The following MYLK3 variants were observed in gnomAD, a reference collection of about 807,000 sequenced individuals.
MYLK3 encodes myosin light chain kinase 3.
A neutral mutation model predicts 76.3 loss-of-function variants in MYLK3; 55 were observed. The ratio of observed to expected loss-of-function variants is 0.72; its 90% CI spans 0.58 to 0.90. The LOEUF is 0.90. Among genes scored for constraint, MYLK3 ranks in the 40% least tolerant of loss-of-function variants. The probability of loss-of-function intolerance (pLI) is 0.00; values close to 1 mark genes in which losing one functional copy is unlikely to be tolerated. For missense variants in MYLK3, 973 were observed against 1,053.6 expected, an observed-to-expected ratio of 0.92 and a Z score of 1.06; for synonymous variants, 416 against 425.4, an observed-to-expected ratio of 0.98 and a Z score of 0.27.
intron 3 of MYLK3, among the ~76,000 whole-genome samples, chr16:46,733,956 G>C (rs1966858082): frequency 6.6e-6 from 1 of 152,156 alleles, no homozygotes; most frequent in Admixed American, 6.5e-5. Context: ...ACAAATGCAG[G>C]GGTTCAAAAG....
rs1332969882 is a variant in MYLK3, at chr16:46,703,471, A to C, written c.*4233T>G. On this transcript the variant is annotated 3_prime_UTR_variant, in exon 13 of 13. Coordinates refer to ENST00000394809, the MANE Select transcript of MYLK3 (RefSeq NM_182493.3). Reference sequence around the variant, plus strand: ...GCCTCACCAATTCTTCACCAATCTGACAGGTGGAAAAAGTGTGCCCCAACT... The same window carrying C: ...GCCTCACCAATTCTTCACCAATCTGCCAGGTGGAAAAAGTGTGCCCCAACT... 6.6e-6 allele frequency: 1 copy of C among 152,214 alleles called. No individual in the cohort carries two copies. The highest frequency in any genetic ancestry group is 1.5e-5 in the Non-Finnish European group (1 of 68,048). 9.4% of individuals were successfully genotyped at this position (152,214 alleles called of 1,614,324 possible). A position where few individuals can be genotyped will look rare whatever the true frequency, so the allele number is the denominator to read the frequency against.
intron 12 of MYLK3, among the ~76,000 whole-genome samples, chr16:46,708,648 G>A (rs1319319818): frequency 6.6e-6 from 1 of 152,146 alleles, no homozygotes; most frequent in East Asian, 1.9e-4. Context: ...TTCCCGGTAA[G>A]TGTGTACATG....
chr16:46,717,477 G>A (rs1368026619), intron 9 of MYLK3, among the ~76,000 whole-genome samples: 1 of 152,128 alleles, frequency 6.6e-6, no homozygotes, highest in African/African-American at 2.4e-5. Context: ...GTTCAGACGT[G>A]TGAGCCTCGC....
chr16:46,742,153 T>A (rs1966941452), intron 1 of MYLK3, among the ~76,000 whole-genome samples: 1 of 152,128 alleles, frequency 6.6e-6, no homozygotes, highest in Non-Finnish European at 1.5e-5. Flanking sequence ...AGTTTGTGTG[T>A]ATGTGCAGTT....
intron 7 of MYLK3, 31 bp from the exon 8 acceptor site, chr16:46,727,408 G>A (rs745349699): frequency 6.3e-7 from 1 of 1,588,080 alleles, no homozygotes; most frequent in Admixed American, 1.7e-5. Context: ...GCAGGCACCA[G>A]CCTAAGCAAG....
intron 1 of MYLK3, among the ~76,000 whole-genome samples, chr16:46,740,363 G>A (rs554713628): frequency 3.3e-5 from 5 of 151,902 alleles, no homozygotes; most frequent in East Asian, 3.9e-4. Context: ...AAGAGGAGGC[G>A]CCCAGCTTCA....
chr16:46,757,684 G>T, intron 1 of MYLK3: 1 of 859,810 alleles, frequency 1.2e-6, no homozygotes, highest in Non-Finnish European at 1.4e-6. Context: ...CCCTGTCCAG[G>T]CCCCAGCGGC....
At position 46,709,642 on chromosome 16, in the gene MYLK3, T is replaced by C; in HGVS notation, c.2297A>G (p.Lys766Arg). ...SCRMSATQCL[K>R]HEWLNNLPAK... Reference sequence around the variant, plus strand: ...AGGCAAATTATTCAGCCACTCGTGTTTCAGGCACTGTGTGGCACTCATTCT... The same window carrying C: ...AGGCAAATTATTCAGCCACTCGTGTCTCAGGCACTGTGTGGCACTCATTCT... Residue 766 changes from lysine (K) to arginine (R), a missense_variant, in exon 12 of 13, where the codon AAA becomes AGA. Transcript: ENST00000394809. 6.2e-7 allele frequency: 1 copy of C among 1,614,166 alleles called. No individual in the cohort carries two copies. Among genetic ancestry groups the C allele is most frequent in the Non-Finnish European group, 8.5e-7 (1 of 1,180,024 alleles).
At chr16:46,733,219 T>A (rs1966856320) in intron 3 of MYLK3, among the ~76,000 whole-genome samples, 1 of 151,992 alleles carries the variant, frequency 6.6e-6, no homozygotes, top group Non-Finnish European at 1.5e-5. Context: ...TTTAAAAAAC[T>A]TAGCCAGGAG....
chr16:46,740,421 G>T (rs1385846927), intron 1 of MYLK3, among the ~76,000 whole-genome samples: 1 of 151,440 alleles, frequency 6.6e-6, no homozygotes, highest in African/African-American at 2.4e-5. Flanking sequence ...TTCCCCATAA[G>T]GGATGAACCC....
upstream of MYLK3, among the ~76,000 whole-genome samples, chr16:46,751,354 C>T (rs1278232840): frequency 6.6e-6 from 1 of 151,968 alleles, no homozygotes; most frequent in Non-Finnish European, 1.5e-5. Flanking sequence ...TTGCAGTGAA[C>T]TGAGATGGTG....
chr16:46,747,907 A>T lies in MYLK3; in HGVS notation c.287T>A (p.Leu96Gln), dbSNP rs1475138061. Residue 96 changes from leucine (L) to glutamine (Q), a missense_variant, in exon 1 of 13, where the codon CTG becomes CAG. Leu to Gln is a moderately radical substitution (Grantham distance 113). This residue lies in a region of MYLK3 where 641 missense variants were observed against 637.0 expected (regional missense o/e 1.01). Transcript: ENST00000394809. The part of the protein sequence containing the change: ...TQAGWPEVLE[L>Q]VRAMQQDAAQ... ...CGCATCCTGCTGCATGGCCCTCACC[A>T]GCTCCAGGACCTCGGGCCACCCAGC... The T allele has an allele frequency of 6.2e-7, 1 of 1,613,654 alleles. No individual in the cohort carries two copies. The highest frequency in any genetic ancestry group is 1.3e-5 in the African/African-American group (1 of 74,900).
chr16:46,706,828 C>A lies in MYLK3; in HGVS notation c.*876G>T, dbSNP rs921960363. 24 of 152,130 alleles carry A rather than the reference C, an allele frequency of 1.6e-4. No homozygotes were observed. The highest frequency in any genetic ancestry group is 5.3e-4 in the African/African-American group (22 of 41,426). The allele number at this position is 152,130 out of a possible 1,614,324, so 9.4% of individuals were successfully genotyped here. A position where few individuals can be genotyped will look rare whatever the true frequency, so the allele number is the denominator to read the frequency against. On this transcript the variant is annotated 3_prime_UTR_variant, in exon 13 of 13. Transcript: ENST00000394809. ...ACATTTAAGTTGACTGCAATTCAAA[C>A]CCTGTTCAAGGGTCAACTGTACATG...
At chr16:46,760,602 T>C (rs1048750635) in intron 1 of MYLK3, among the ~76,000 whole-genome samples, 2 of 152,108 alleles carry the variant, frequency 1.3e-5, no homozygotes, top group Non-Finnish European at 2.9e-5. Flanking sequence ...ACTATGTAAC[T>C]CACCAGTGCT....
At chr16:46,712,606 G>T in intron 10 of MYLK3, 42 bp downstream of exon 10, 1 of 1,384,040 alleles carries the variant, frequency 7.2e-7, no homozygotes, top group Non-Finnish European at 9.4e-7. Context: ...GAAGACAAAT[G>T]ACCCCTGTCC....
chr16:46,730,525 C>CA, intron 5 of MYLK3, 68 bp downstream of exon 5: 1 of 1,331,310 alleles, frequency 7.5e-7, no homozygotes, highest in East Asian at 2.3e-5. Flanking sequence ...CCCAGTTCTC[C>CA]AGGTGGTCCC....
chr16:46,706,196 C>A lies in MYLK3; in HGVS notation c.*1508G>T, dbSNP rs1159698175. 1 of 151,894 alleles carries A rather than the reference C, an allele frequency of 6.6e-6. No individual in the cohort carries two copies. Among genetic ancestry groups the A allele is most frequent in the African/African-American group, 2.4e-5 (1 of 41,314 alleles). The allele number at this position is 151,894 out of a possible 1,614,324, so 9.4% of individuals were successfully genotyped here. A position where few individuals can be genotyped will look rare whatever the true frequency, so the allele number is the denominator to read the frequency against. On this transcript the variant is annotated 3_prime_UTR_variant, in exon 13 of 13. Coordinates refer to ENST00000394809, the MANE Select transcript of MYLK3 (RefSeq NM_182493.3). ...TAATAGCCTAATGTTGACTGGAAGC[C>A]CTATCAATAATATAAACAGTCAGTT...
At chr16:46,718,513 G>A (rs1966767804) in intron 9 of MYLK3, among the ~76,000 whole-genome samples, 1 of 152,226 alleles carries the variant, frequency 6.6e-6, no homozygotes, top group South Asian at 2.1e-4. Flanking sequence ...GACCAGCACT[G>A]AGGGTGTAGG....
In MYLK3 at chr16:46,707,568, C is replaced by A. The variant is rs926001223; in HGVS notation, c.*136G>T. ...CACTTTTCATCCACAAGGAAGGCAG[C>A]AGCCATAACCATTTTTACAAAATAA... is the stretch of plus-strand genomic sequence containing the variant. On this transcript the variant is annotated 3_prime_UTR_variant, in exon 13 of 13. Coordinates refer to ENST00000394809, the MANE Select transcript of MYLK3 (RefSeq NM_182493.3). 4 of 594,632 alleles carry A rather than the reference C, an allele frequency of 6.7e-6. No homozygotes were observed. The African/African-American group carries it at 7.5e-5, about 11-fold the overall frequency. The allele number at this position is 594,632 out of a possible 1,614,324, so 36.8% of individuals were successfully genotyped here. A position where few individuals can be genotyped will look rare whatever the true frequency, so the allele number is the denominator to read the frequency against.
Sources: gnomAD v4.1 joint callset for allele counts (sites outside exome capture counted in the v4.1 genomes callset) on GRCh38, gnomAD v4.1.1 for gene constraint, gnomAD v4.1.1 regional missense constraint, MANE v1.5 for transcripts, NCBI Gene and HGNC (gene_info 2026-07-23, HGNC 2026-07-21) for gene names.